NFATC1: variants seen among roughly 807,000 people sequenced by gnomAD.
NFATC1 encodes the protein nuclear factor of activated T cells 1, also known as nuclear factor of activated T-cells, cytoplasmic 1.
Under a neutral mutation model 76.0 loss-of-function variants are expected in NFATC1, and 22 were observed. The observed-to-expected ratio is 0.29, with a 90% CI of 0.21 to 0.41. NFATC1 has a LOEUF of 0.41. NFATC1 is among the 10% of genes least tolerant of loss of function. The pLI is 1.00. For synonymous variants in NFATC1, 704 were observed against 613.1 expected, an observed-to-expected ratio of 1.15 and a Z score of -2.19; for missense variants, 1,357 against 1,337.7, an observed-to-expected ratio of 1.01 and a Z score of -0.23.
chr18:79,502,410 G>A (rs548166774), intron 9 of NFATC1, among the ~76,000 whole-genome samples: 65 of 152,168 alleles, frequency 4.3e-4, no homozygotes, highest in Non-Finnish European at 8.5e-4. Context: ...CAAGACTTTG[G>A]ATTAGGCAGA....
At chr18:79,450,677 T>C (rs1482423444) in intron 4 of NFATC1, among the ~76,000 whole-genome samples, 1 of 151,758 alleles carries the variant, frequency 6.6e-6, no homozygotes, top group Non-Finnish European at 1.5e-5. Flanking sequence ...GGCTGGAGGC[T>C]GGAGGAAGGT....
chr18:79,425,690 G>A (rs1016948247), intron 2 of NFATC1, among the ~76,000 whole-genome samples: 2 of 152,232 alleles, frequency 1.3e-5, no homozygotes, highest in Admixed American at 1.3e-4. Context: ...CATGAGGAGA[G>A]TGTTTTCAGA....
At chr18:79,400,486 C>T (rs995225261) in intron 1 of NFATC1, 2 of 1,476,502 alleles carry the variant, frequency 1.4e-6, no homozygotes, top group African/African-American at 1.5e-5. Context: ...CCAGGTGGGT[C>T]AGTCCCGGAG....
intron 9 of NFATC1, among the ~76,000 whole-genome samples, chr18:79,507,918 C>T (rs978708307): frequency 1.3e-5 from 2 of 152,244 alleles, no homozygotes; most frequent in African/African-American, 2.4e-5. Context: ...TCGCTCTGGC[C>T]GGGCTCCCCG....
intron 9 of NFATC1, among the ~76,000 whole-genome samples, chr18:79,513,751 T>C (rs1193687537): frequency 6.6e-6 from 1 of 152,228 alleles, no homozygotes; most frequent in Non-Finnish European, 1.5e-5. Flanking sequence ...GTGTGGCCTG[T>C]GTGCTGCCGA....
intron 7 of NFATC1, among the ~76,000 whole-genome samples, chr18:79,464,691 T>TACACAC: frequency 2.8e-5 from 3 of 108,720 alleles, no homozygotes; most frequent in African/African-American, 1.6e-4. Context: ...TGTATATATA[T>TACACAC]ATATTTATTT....
intron 9 of NFATC1, among the ~76,000 whole-genome samples, chr18:79,506,468 C>T (rs936049306): frequency 6.6e-6 from 1 of 152,208 alleles, no homozygotes; most frequent in Non-Finnish European, 1.5e-5. Flanking sequence ...CGTCTGCCCT[C>T]CACACAGCCC....
intron 1 of NFATC1, among the ~76,000 whole-genome samples, chr18:79,401,085 A>G (rs938858247): frequency 3.4e-5 from 5 of 148,484 alleles, no homozygotes; most frequent in Non-Finnish European, 7.4e-5. Flanking sequence ...TAAGGGTTTC[A>G]GGTAAACAAA....
chr18:79,514,112 C>CG (rs1655230143), intron 9 of NFATC1, among the ~76,000 whole-genome samples: 1 of 152,130 alleles, frequency 6.6e-6, no homozygotes, highest in Admixed American at 6.5e-5. Context: ...CAGGGATTGG[C>CG]GTTCCCATCT....
chr18:79,482,915 G>T (rs2089344293), intron 8 of NFATC1, among the ~76,000 whole-genome samples: 1 of 146,218 alleles, frequency 6.8e-6, no homozygotes, highest in Admixed American at 6.8e-5. Flanking sequence ...TGGTCCTGGG[G>T]TGTCACTCCA....
At chr18:79,459,709 G>A (rs562829978) in intron 6 of NFATC1, among the ~76,000 whole-genome samples, 1 of 152,274 alleles carries the variant, frequency 6.6e-6, no homozygotes, top group South Asian at 2.1e-4. Context: ...TGTGGGGTGT[G>A]GACGGGGCCT....
Position 79,411,455 on chromosome 18 carries a change from T to A in NFATC1, c.1180T>A (p.Tyr394Asn). The A allele has an allele frequency of 6.6e-7, 1 of 1,512,136 alleles. No individual in the cohort carries two copies. The highest frequency in any genetic ancestry group is 1.4e-5 in the African/African-American group (1 of 71,626). 93.7% of individuals were successfully genotyped at this position (1,512,136 alleles called of 1,614,324 possible). A position where few individuals can be genotyped will look rare whatever the true frequency, so the allele number is the denominator to read the frequency against. Residue 394 changes from tyrosine (Y) to asparagine (N), a missense_variant, in exon 2 of 10, where the codon TAC (tyrosine) becomes AAC (asparagine). Transcript: ENST00000427363. ...DQYLAVPQHP[Y>N]QWAKPKPLSP... The stretch of plus-strand genomic sequence containing the variant: ...GTACCTGGCGGTGCCGCAGCACCCC[T>A]ACCAGTGGGCGAAGCCCAAGCCCCT...
At chr18:79,481,540 A>T (rs984643998) in intron 8 of NFATC1, among the ~76,000 whole-genome samples, 6 of 152,362 alleles carry the variant, frequency 3.9e-5, no homozygotes, top group African/African-American at 1.2e-4. Flanking sequence ...CCCTCAGCTG[A>T]AGAGGGCAGC....
At chr18:79,428,157 G>C (rs907345702) in intron 2 of NFATC1, among the ~76,000 whole-genome samples, 1 of 152,146 alleles carries the variant, frequency 6.6e-6, no homozygotes. Context: ...GGCCGGCCTC[G>C]GGCCGGTGGG....
At chr18:79,492,830 C>T (rs962448474) in intron 9 of NFATC1, among the ~76,000 whole-genome samples, 4 of 149,512 alleles carry the variant, frequency 2.7e-5, no homozygotes, top group Admixed American at 1.3e-4. Flanking sequence ...GCTGAGACCT[C>T]GCCACTGCAC....
intron 8 of NFATC1, among the ~76,000 whole-genome samples, chr18:79,484,846 G>GC (rs912104364): frequency 1.3e-5 from 2 of 152,080 alleles, no homozygotes; most frequent in Non-Finnish European, 2.9e-5. Context: ...CGGGACCTGT[G>GC]CGGGGGGGGA....
At chr18:79,441,990 C>T (rs954801878) in intron 3 of NFATC1, among the ~76,000 whole-genome samples, 1 of 152,218 alleles carries the variant, frequency 6.6e-6, no homozygotes, top group African/African-American at 2.4e-5. Context: ...CCCCTGCACC[C>T]TCCACGTCAG....
At chr18:79,424,223 C>T (rs1477409264) in intron 2 of NFATC1, among the ~76,000 whole-genome samples, 2 of 152,254 alleles carry the variant, frequency 1.3e-5, no homozygotes, top group African/African-American at 4.8e-5. Flanking sequence ...CACCGAGAAA[C>T]GCGGCGTGTG....
At position 79,395,948 on chromosome 18, in the gene NFATC1, G is replaced by C. The variant is rs1444322414; in HGVS notation, c.-277G>C. 2 of 185,760 alleles carry C rather than the reference G, an allele frequency of 1.1e-5. No homozygotes were observed. Among genetic ancestry groups the C allele is most frequent in the East Asian group, 2.5e-4 (2 of 7,878 alleles). 11.5% of individuals were successfully genotyped at this position (185,760 alleles called of 1,614,324 possible). A position where few individuals can be genotyped will look rare whatever the true frequency, so the allele number is the denominator to read the frequency against. On this transcript the variant is annotated 5_prime_UTR_variant, in exon 1 of 10. Coordinates refer to ENST00000427363, the MANE Select transcript of NFATC1 (RefSeq NM_001278669.2). ...CGGCCCTGCGTCAGAGCGAGACTCA[G>C]AGGCTCCGAACTCGCCGGCGGAGTC...
Sources: allele counts gnomAD v4.1 joint callset (sites outside exome capture counted in the v4.1 genomes callset), GRCh38; gene constraint gnomAD v4.1.1; transcripts MANE v1.5; gene names NCBI Gene and HGNC (gene_info 2026-07-23, HGNC 2026-07-21).